KCNIP4: variants seen among roughly 807,000 people sequenced by gnomAD.
The protein encoded by KCNIP4 is potassium voltage-gated channel interacting protein 4.
Under a neutral mutation model 34.0 loss-of-function variants are expected in KCNIP4, and 12 were observed. The observed-to-expected ratio is 0.35, with a 90% CI of 0.23 to 0.57. The LOEUF (loss-of-function observed/expected upper bound fraction) is 0.57. Ranked by LOEUF, KCNIP4 falls within the 20% of genes least tolerant of loss-of-function variation. The pLI is 0.83. For synonymous variants in KCNIP4, 124 were observed against 102.2 expected (o/e 1.21, Z -1.29); for missense variants, 238 against 311.7 (o/e 0.76, Z 1.78).
rs565427151 is a variant in KCNIP4, at chr4:20,941,131, G to T, written c.62-58422C>A. On this transcript the variant is annotated intron_variant, in intron 1 of 8. Coordinates refer to ENST00000382152, the MANE Select transcript of KCNIP4 (RefSeq NM_025221.6). ...TGACATGCACCTACTGGATAGGAAAGCCTAAAAGAACTAAACACATGTTTC... is the reference window on the plus strand; with the variant it reads ...TGACATGCACCTACTGGATAGGAAATCCTAAAAGAACTAAACACATGTTTC... Among the ~76,000 whole-genome samples, 308 of 152,314 alleles carry T rather than the reference G, an allele frequency of 2.0e-3. 1 individual carries two copies. The highest frequency in any genetic ancestry group is 7.2e-3 in the African/African-American group (298 of 41,572).
At chr4:21,633,095 G>A (rs1054461466) in intron 1 of KCNIP4, among the ~76,000 whole-genome samples, 7 of 151,614 alleles carry the variant, frequency 4.6e-5, no homozygotes, top group African/African-American at 1.7e-4. Context: ...TACTCTTTAG[G>A]GACTTTTGTA....
At chr4:21,445,674 G>C (rs1028451859) in intron 1 of KCNIP4, among the ~76,000 whole-genome samples, 1 of 152,124 alleles carries the variant, frequency 6.6e-6, no homozygotes, top group Non-Finnish European at 1.5e-5. Context: ...AAAAACCCTA[G>C]AAGAAAACCT....
chr4:20,832,539 T>C (rs1244896990), intron 3 of KCNIP4, among the ~76,000 whole-genome samples: 2 of 152,180 alleles, frequency 1.3e-5, no homozygotes, highest in East Asian at 1.9e-4. Context: ...GTATATTTTA[T>C]TGGTCATATT....
At chr4:21,701,779 C>T (rs1403499167) in intron 1 of KCNIP4, among the ~76,000 whole-genome samples, 1 of 152,060 alleles carries the variant, frequency 6.6e-6, no homozygotes, top group Admixed American at 6.6e-5. Flanking sequence ...TCTTGGCTCA[C>T]TGCAACCTCT....
rs143145833 is a variant in KCNIP4, at chr4:21,475,910, C to A, written c.61+472661G>T. On this transcript the variant is annotated intron_variant, in intron 1 of 8. Coordinates refer to ENST00000382152, the MANE Select transcript of KCNIP4 (RefSeq NM_025221.6). ...CTCACTTTAAAATGCATAAACCATT[C>A]TATCATGAAGAGCACCTTTTTTTCC... is the stretch of plus-strand genomic sequence containing the variant. Among the ~76,000 whole-genome samples, 643 of 152,242 alleles carry A rather than the reference C, an allele frequency of 4.2e-3. 3 individuals are homozygous for A. Among genetic ancestry groups the A allele is most frequent in the African/African-American group, 0.015 (610 of 41,560 alleles).
intron 1 of KCNIP4, among the ~76,000 whole-genome samples, chr4:21,933,199 G>A (rs2109010627): frequency 6.6e-6 from 1 of 152,124 alleles, no homozygotes; most frequent in Non-Finnish European, 1.5e-5. Flanking sequence ...CAGGGACCAA[G>A]ATCAGATAAT....
In KCNIP4 at chr4:21,030,948, C is replaced by T. The variant is rs1440392552; in HGVS notation, c.62-148239G>A. 3.3e-5 allele frequency among the ~76,000 whole-genome samples: 5 copies of T among 152,296 alleles called. No individual in the cohort carries two copies. In the South Asian group the frequency reaches 1.0e-3, roughly 32 times the overall value. On this transcript the variant is annotated intron_variant, in intron 1 of 8. Transcript: ENST00000382152. Reference sequence around the variant, plus strand: ...AAGATAGTCTCATTCAGAGCTACAGCTGTCCATGGCTCTGCTTGAGGGTGT... The same window carrying T: ...AAGATAGTCTCATTCAGAGCTACAGTTGTCCATGGCTCTGCTTGAGGGTGT...
intron 1 of KCNIP4, among the ~76,000 whole-genome samples, chr4:21,799,338 T>C (rs1720849634): frequency 6.6e-6 from 1 of 152,182 alleles, no homozygotes; most frequent in African/African-American, 2.4e-5. Context: ...AAATTGAATC[T>C]AGGTATGGGT....
intron 1 of KCNIP4, among the ~76,000 whole-genome samples, chr4:21,382,214 A>G (rs956737717): frequency 6.6e-6 from 1 of 152,168 alleles, no homozygotes; most frequent in Non-Finnish European, 1.5e-5. Context: ...ATTGAAAGAG[A>G]CAGTATGGCA....
intron 1 of KCNIP4, among the ~76,000 whole-genome samples, chr4:21,263,413 T>C (rs1863289): frequency 0.79 from 120,040 of 152,158 alleles, 48,400 homozygotes; most frequent in African/African-American, 0.95. Flanking sequence ...ACCTTCATCA[T>C]GCCACCTCTG....
intron 1 of KCNIP4, among the ~76,000 whole-genome samples, chr4:21,545,007 G>A (rs1738017925): frequency 6.6e-6 from 1 of 152,070 alleles, no homozygotes; most frequent in Non-Finnish European, 1.5e-5. Context: ...ATTCCCAGGA[G>A]GTTAGGCATT....
chr4:21,765,504 G>A (rs2109178624), intron 1 of KCNIP4, among the ~76,000 whole-genome samples: 1 of 152,112 alleles, frequency 6.6e-6, no homozygotes, highest in East Asian at 1.9e-4. Context: ...GTCAATTTCT[G>A]AGTTAGGGGC....
At chr4:20,764,936 G>C (rs1027101755) in intron 3 of KCNIP4, among the ~76,000 whole-genome samples, 2 of 152,160 alleles carry the variant, frequency 1.3e-5, no homozygotes, top group Non-Finnish European at 2.9e-5. Context: ...TTCTTATGCA[G>C]ACCATTACTT....
rs575360371 is a variant in KCNIP4 at position 21,667,512 on chromosome 4, G to A, written c.61+281059C>T. 3.3e-5 allele frequency among the ~76,000 whole-genome samples: 5 copies of A among 152,274 alleles called. No homozygotes were observed. In the South Asian group the frequency reaches 1.0e-3, roughly 32 times the overall value. Reference sequence around the variant, plus strand: ...TATAACAGTGATATGATATAAGTATGCATCAGGTGCTGTGAGATTCCACTC... The same window carrying A: ...TATAACAGTGATATGATATAAGTATACATCAGGTGCTGTGAGATTCCACTC... On this transcript the variant is annotated intron_variant, in intron 1 of 8. Coordinates refer to ENST00000382152, the MANE Select transcript of KCNIP4 (RefSeq NM_025221.6).
At chr4:21,482,672 G>C (rs1731538689) in intron 1 of KCNIP4, among the ~76,000 whole-genome samples, 1 of 152,154 alleles carries the variant, frequency 6.6e-6, no homozygotes, top group South Asian at 2.1e-4. Flanking sequence ...AGTTTCTGCT[G>C]AGAGATCAGC....
intron 1 of KCNIP4, among the ~76,000 whole-genome samples, chr4:21,682,555 G>A (rs918833807): frequency 6.6e-6 from 1 of 152,128 alleles, no homozygotes; most frequent in African/African-American, 2.4e-5. Flanking sequence ...TTCCTTTGCT[G>A]TGACAACTTA....
chr4:21,676,295 T>G (rs944313382), intron 1 of KCNIP4, among the ~76,000 whole-genome samples: 1 of 152,240 alleles, frequency 6.6e-6, no homozygotes, highest in African/African-American at 2.4e-5. Flanking sequence ...GCTATCATCT[T>G]CCTAACATGA....
chr4:21,601,157 C>T (rs1158880858), intron 1 of KCNIP4, among the ~76,000 whole-genome samples: 1 of 151,936 alleles, frequency 6.6e-6, no homozygotes, highest in Non-Finnish European at 1.5e-5. Context: ...CAATCTCCCT[C>T]CTCTCAATTC....
At chr4:21,773,759 G>GTTTTTT (rs1560704204) in intron 1 of KCNIP4, among the ~76,000 whole-genome samples, 2 of 58,358 alleles carry the variant, frequency 3.4e-5, no homozygotes, top group African/African-American at 1.6e-4. Context: ...TTTTTTTTTT[G>GTTTTTT]TTTGTTTGTT....
Sources: allele counts gnomAD v4.1 joint callset (sites outside exome capture counted in the v4.1 genomes callset), GRCh38; gene constraint gnomAD v4.1.1; transcripts MANE v1.5; gene names NCBI Gene and HGNC (gene_info 2026-07-23, HGNC 2026-07-21).